The following NRIP1 variants were observed in gnomAD, a reference collection of about 807,000 sequenced individuals.
NRIP1 encodes nuclear receptor interacting protein 1, also known as nuclear receptor-interacting protein 1.
NRIP1 carries 28 observed loss-of-function variants against 75.0 expected under a neutral mutation model. That is an observed-to-expected ratio of 0.37 (90% CI 0.28 to 0.51). NRIP1 has a LOEUF of 0.51. Among genes scored for constraint, NRIP1 ranks in the 20% least tolerant of loss-of-function variants. The probability of loss-of-function intolerance (pLI) is 0.92; values close to 1 mark genes in which losing one functional copy is unlikely to be tolerated. For missense variants in NRIP1, 1,435 were observed against 1,343.7 expected, an observed-to-expected ratio of 1.07 and a Z score of -1.06; for synonymous variants, 526 against 487.6, an observed-to-expected ratio of 1.08 and a Z score of -1.04.
At chr21:14,990,108 C>T (rs2087527813) in intron 3 of NRIP1, among the ~76,000 whole-genome samples, 1 of 152,114 alleles carries the variant, frequency 6.6e-6, no homozygotes, top group Admixed American at 6.6e-5. Context: ...GTGCATCCGT[C>T]AAGTGGGTTC....
chr21:14,994,849 C>T (rs2087677156), intron 3 of NRIP1, among the ~76,000 whole-genome samples: 1 of 152,156 alleles, frequency 6.6e-6, no homozygotes, highest in African/African-American at 2.4e-5. Context: ...AAGCACTTAA[C>T]ATTGTGTCTG....
chr21:15,045,428 C>T (rs1342738739), intron 1 of NRIP1, among the ~76,000 whole-genome samples: 2 of 152,140 alleles, frequency 1.3e-5, no homozygotes, highest in Non-Finnish European at 2.9e-5. Context: ...ATTAAGTGTG[C>T]AAAAGCTTTA....
At chr21:15,064,510 G>C (rs1037520909) in intron 1 of NRIP1, among the ~76,000 whole-genome samples, 2 of 151,896 alleles carry the variant, frequency 1.3e-5, no homozygotes, top group Non-Finnish European at 2.9e-5. Context: ...CGGGCGGGCC[G>C]ACCCGGGGCC....
At chr21:15,027,973 C>T (rs912351619) in intron 2 of NRIP1, among the ~76,000 whole-genome samples, 7 of 152,120 alleles carry the variant, frequency 4.6e-5, no homozygotes, top group African/African-American at 1.7e-4. Context: ...TTCTCAACAA[C>T]CTTGCATTAC....
intron 1 of NRIP1, among the ~76,000 whole-genome samples, chr21:15,056,485 T>C (rs903759291): frequency 2.6e-5 from 4 of 152,126 alleles, no homozygotes; most frequent in Admixed American, 2.6e-4. Flanking sequence ...TGGCTTCACA[T>C]AGATTCAGTG....
chr21:15,062,271 T>C (rs1171785714), intron 1 of NRIP1, among the ~76,000 whole-genome samples: 1 of 152,240 alleles, frequency 6.6e-6, no homozygotes, highest in African/African-American at 2.4e-5. Context: ...TTAATTCACA[T>C]TGATTTTACT....
chr21:14,980,498 T>A (rs60949251), intron 3 of NRIP1, among the ~76,000 whole-genome samples: 25,509 of 150,808 alleles, frequency 0.17, 2,291 homozygotes, highest in Admixed American at 0.22. Context: ...AAAATAAAAA[T>A]AAAATAAATA....
intron 3 of NRIP1, among the ~76,000 whole-genome samples, chr21:14,989,920 T>C (rs988833270): frequency 6.6e-6 from 1 of 151,664 alleles, no homozygotes; most frequent in African/African-American, 2.4e-5. Flanking sequence ...CACATGAAAA[T>C]GAAACTAAAA....
At chr21:14,978,168 T>C (rs1394613214) in intron 3 of NRIP1, among the ~76,000 whole-genome samples, 2 of 152,214 alleles carry the variant, frequency 1.3e-5, no homozygotes, top group African/African-American at 2.4e-5. Flanking sequence ...GAGACACTCC[T>C]GCGGGAGTAA....
intron 3 of NRIP1, among the ~76,000 whole-genome samples, chr21:14,978,504 T>A (rs368909141): frequency 3.3e-5 from 5 of 152,180 alleles, no homozygotes; most frequent in African/African-American, 9.7e-5. Context: ...AAGCTAAATA[T>A]GAGCTTATAT....
At chr21:14,998,488 TA>T (rs1443026859) in intron 3 of NRIP1, among the ~76,000 whole-genome samples, 2 of 152,194 alleles carry the variant, frequency 1.3e-5, no homozygotes, top group African/African-American at 4.8e-5. Context: ...ACTATATTAT[TA>T]AAGAAAACAC....
chr21:15,002,968 C>T (rs2087882723), intron 3 of NRIP1, among the ~76,000 whole-genome samples: 2 of 152,010 alleles, frequency 1.3e-5, no homozygotes, highest in African/African-American at 2.4e-5. Flanking sequence ...CAGGTCTCAA[C>T]AATTATTTAA....
intron 3 of NRIP1, among the ~76,000 whole-genome samples, chr21:14,991,804 C>T (rs2087579687): frequency 6.6e-6 from 1 of 152,118 alleles, no homozygotes; most frequent in Admixed American, 6.6e-5. Context: ...CATTCATTTT[C>T]CCCACAATAT....
intron 2 of NRIP1, among the ~76,000 whole-genome samples, chr21:15,018,878 G>A (rs2088299710): frequency 6.6e-6 from 1 of 152,146 alleles, no homozygotes; most frequent in South Asian, 2.1e-4. Flanking sequence ...AAGAAGTGGT[G>A]AGCGCAAACA....
At chr21:14,988,975 T>TG (rs1206454618) in intron 3 of NRIP1, among the ~76,000 whole-genome samples, 1 of 151,114 alleles carries the variant, frequency 6.6e-6, no homozygotes, top group Admixed American at 6.6e-5. Context: ...AGCAGGGAGG[T>TG]GCTGAATGAA....
chr21:14,987,505 A>G (rs1416292853), intron 3 of NRIP1, among the ~76,000 whole-genome samples: 1 of 152,154 alleles, frequency 6.6e-6, no homozygotes, highest in African/African-American at 2.4e-5. Context: ...CCAAGATAAG[A>G]TAGTGAAAAC....
intron 3 of NRIP1, among the ~76,000 whole-genome samples, chr21:15,005,457 C>T (rs944242404): frequency 3.9e-5 from 6 of 152,048 alleles, no homozygotes; most frequent in African/African-American, 9.7e-5. Flanking sequence ...GCAGTTTCAC[C>T]GCATAATTTT....
chr21:14,965,241 C>T lies in NRIP1; in HGVS notation c.2952G>A (p.Leu984=). The T allele has an allele frequency of 6.2e-7, 1 of 1,613,972 alleles. No homozygotes were observed. Among genetic ancestry groups the T allele is most frequent in the South Asian group, 1.1e-5 (1 of 91,078 alleles). The change falls in exon 4 of 4, where the codon CTG becomes CTA. Residue 984 remains leucine (L), a synonymous_variant. Transcript: ENST00000318948. ...PEFSISSLNG[L]MYSSTQPSSC... is the part of the protein sequence containing the mutation. ...TGCTGGGCTGAGTGGAACTGTACATCAGTCCATTTAAAGAAGAAATGCTAA... is the reference window on the plus strand; with the variant it reads ...TGCTGGGCTGAGTGGAACTGTACATTAGTCCATTTAAAGAAGAAATGCTAA...
At chr21:15,032,948 G>A (rs750781356) in intron 2 of NRIP1, among the ~76,000 whole-genome samples, 10 of 152,102 alleles carry the variant, frequency 6.6e-5, no homozygotes, top group Non-Finnish European at 1.2e-4. Context: ...AATGATCACC[G>A]GGCGCGGTGG....
Sources: allele counts gnomAD v4.1 joint callset (sites outside exome capture counted in the v4.1 genomes callset), GRCh38; gene constraint gnomAD v4.1.1; transcripts MANE v1.5; gene names NCBI Gene and HGNC (gene_info 2026-07-23, HGNC 2026-07-21).